TDRD3: variants seen among roughly 807,000 people sequenced by gnomAD.
TDRD3 encodes tudor domain containing 3.
A neutral mutation model predicts 86.7 loss-of-function variants in TDRD3; 45 were observed. That is an observed-to-expected ratio of 0.52 (90% CI 0.41 to 0.67). The LOEUF is 0.67. TDRD3 is among the 30% of genes least tolerant of loss of function. The pLI, the probability that TDRD3 is intolerant of heterozygous loss-of-function variation, is 0.00. For synonymous variants in TDRD3, 298 were observed against 301.7 expected (o/e 0.99, Z 0.13); for missense variants, 814 against 889.0 (o/e 0.92, Z 1.07).
intron 12 of TDRD3, among the ~76,000 whole-genome samples, chr13:60,558,571 T>C (rs1360478770): frequency 6.6e-6 from 1 of 152,226 alleles, no homozygotes; most frequent in Non-Finnish European, 1.5e-5. Context: ...GGTTTCTTTT[T>C]ATGGGATATC....
chr13:60,548,785 A>T (rs913036496), intron 12 of TDRD3, among the ~76,000 whole-genome samples: 1 of 152,176 alleles, frequency 6.6e-6, no homozygotes, highest in Non-Finnish European at 1.5e-5. Context: ...ACTCTTATAC[A>T]TTGCTGATGG....
chr13:60,484,190 C>T (rs1255934196), intron 6 of TDRD3, among the ~76,000 whole-genome samples: 1 of 151,770 alleles, frequency 6.6e-6, no homozygotes, highest in African/African-American at 2.4e-5. Context: ...TCATTAAAAA[C>T]ATTAGAGGGG....
chr13:60,430,603 T>C (rs1183034220), intron 1 of TDRD3, among the ~76,000 whole-genome samples: 1 of 152,122 alleles, frequency 6.6e-6, no homozygotes. Context: ...ACTTTTAAAT[T>C]TATGTGGAGT....
chr13:60,524,064 G>A (rs1410793635), intron 10 of TDRD3, among the ~76,000 whole-genome samples: 1 of 151,778 alleles, frequency 6.6e-6, no homozygotes, highest in Non-Finnish European at 1.5e-5. Context: ...TTAGAGTGAT[G>A]GCAGACCTGA....
At chr13:60,424,740 A>G (rs1640484570) in intron 1 of TDRD3, among the ~76,000 whole-genome samples, 1 of 152,178 alleles carries the variant, frequency 6.6e-6, no homozygotes, top group African/African-American at 2.4e-5. Context: ...GAGATTTGTA[A>G]TCATCACTAC....
intron 10 of TDRD3, among the ~76,000 whole-genome samples, chr13:60,526,539 G>T (rs994087884): frequency 3.3e-5 from 5 of 149,982 alleles, no homozygotes; most frequent in African/African-American, 1.2e-4. Flanking sequence ...TCTCTCTAAA[G>T]AAAAATTTAA....
In TDRD3 at chr13:60,397,295, G is replaced by GC. The variant is rs1320892159; in HGVS notation, c.-70_-69insC. 25 of 812,626 alleles carry GC rather than the reference G, an allele frequency of 3.1e-5. No individual in the cohort carries two copies. The highest frequency in any genetic ancestry group is 4.1e-5 in the Non-Finnish European group (23 of 558,958). The allele number at this position is 812,626 out of a possible 1,614,324, so 50.3% of individuals were successfully genotyped here. A position where few individuals can be genotyped will look rare whatever the true frequency, so the allele number is the denominator to read the frequency against. On this transcript the variant is annotated 5_prime_UTR_variant, in exon 1 of 14. The change creates a premature stop within an existing upstream ORF in the 5' untranslated region. Coordinates refer to ENST00000377881, the MANE Select transcript of TDRD3 (RefSeq NM_001146070.2). ...TTCTTTTTTTTTTTTTAAGGGGGGG[G>GC]GTCTCAAGTAGGAGGCCTCCCCATC... is the stretch of plus-strand genomic sequence containing the variant.
rs533702980 is a variant in TDRD3, at chr13:60,446,011, G to A, written c.192+1263G>A. Among the ~76,000 whole-genome samples, 5 of 152,120 alleles carry A rather than the reference G, an allele frequency of 3.3e-5. No individual in the cohort carries two copies. In the East Asian group the frequency reaches 9.7e-4, roughly 29 times the overall value. ...TTAAGATTTCCTTTGAATGTAGCTAGCAAGAAGAAAAATAACTTTAAAACT... is the reference window on the plus strand; with the variant it reads ...TTAAGATTTCCTTTGAATGTAGCTAACAAGAAGAAAAATAACTTTAAAACT... On this transcript the variant is annotated intron_variant, in intron 3 of 13. Transcript: ENST00000377881.
At chr13:60,495,271 T>C (rs1386465842) in intron 8 of TDRD3, among the ~76,000 whole-genome samples, 3 of 152,208 alleles carry the variant, frequency 2.0e-5, no homozygotes, top group Non-Finnish European at 4.4e-5. Flanking sequence ...GGTATTTCCA[T>C]GATTTCTTGG....
chr13:60,553,631 A>C (rs73208095), intron 12 of TDRD3, among the ~76,000 whole-genome samples: 1 of 151,974 alleles, frequency 6.6e-6, no homozygotes. Context: ...AAATCATGGC[A>C]GAAAGCAAAG....
intron 1 of TDRD3, among the ~76,000 whole-genome samples, chr13:60,439,196 A>G (rs979445048): frequency 6.6e-6 from 1 of 152,192 alleles, no homozygotes; most frequent in Non-Finnish European, 1.5e-5. Flanking sequence ...AATAGCCTTT[A>G]TTGAAGGATC....
chr13:60,504,105 T>G (rs182622927), intron 8 of TDRD3, among the ~76,000 whole-genome samples: 1 of 152,344 alleles, frequency 6.6e-6, no homozygotes, highest in South Asian at 2.1e-4. Context: ...TAGAATTTTT[T>G]AAATCTTTTT....
chr13:60,494,964 A>C (rs1956682253), intron 8 of TDRD3, among the ~76,000 whole-genome samples: 1 of 152,206 alleles, frequency 6.6e-6, no homozygotes, highest in South Asian at 2.1e-4. Flanking sequence ...TGAAACAAGC[A>C]TATGTATTAT....
chr13:60,419,133 A>G (rs1466198425), intron 1 of TDRD3, among the ~76,000 whole-genome samples: 1 of 152,178 alleles, frequency 6.6e-6, no homozygotes, highest in Non-Finnish European at 1.5e-5. Context: ...CCAAACGTTT[A>G]TTTCCAAAGT....
chr13:60,473,919 G>T (rs998696903), intron 5 of TDRD3, among the ~76,000 whole-genome samples: 3 of 152,088 alleles, frequency 2.0e-5, no homozygotes, highest in Non-Finnish European at 4.4e-5. Flanking sequence ...ACCAGGAAAG[G>T]GAGTCTCCCT....
intron 10 of TDRD3, among the ~76,000 whole-genome samples, chr13:60,515,239 C>CA (rs1957143793): frequency 6.6e-6 from 1 of 152,004 alleles, no homozygotes. Flanking sequence ...GTTTTATTGC[C>CA]AAAATAAGAC....
intron 1 of TDRD3, among the ~76,000 whole-genome samples, chr13:60,435,047 A>C (rs953261046): frequency 6.6e-6 from 1 of 152,144 alleles, no homozygotes; most frequent in Non-Finnish European, 1.5e-5. Flanking sequence ...TGGAGTTTTA[A>C]ATGTTTATAA....
intron 12 of TDRD3, among the ~76,000 whole-genome samples, chr13:60,557,253 C>T (rs1225513767): frequency 2.0e-5 from 3 of 149,992 alleles, no homozygotes; most frequent in South Asian, 4.2e-4. Context: ...CAGATTTGCA[C>T]TTTCTAGTGA....
In TDRD3 at chr13:60,549,611, C is replaced by T. The variant is rs117578823; in HGVS notation, c.2118+14378C>T. Among the ~76,000 whole-genome samples the T allele has an allele frequency of 3.3e-3, 500 of 152,136 alleles. 4 individuals are homozygous for T. Among genetic ancestry groups the T allele is most frequent in the East Asian group, 0.025 (127 of 5,182 alleles). On this transcript the variant is annotated intron_variant, in intron 12 of 13. Coordinates refer to ENST00000377881, the MANE Select transcript of TDRD3 (RefSeq NM_001146070.2). ...GCACGTGTATGTGCACGTGGACAAA[C>T]GTGAGAGATATCAGTGTTTAAAAAG... is the stretch of plus-strand genomic sequence containing the variant.
Sources: allele counts gnomAD v4.1 joint callset (sites outside exome capture counted in the v4.1 genomes callset), GRCh38; gene constraint gnomAD v4.1.1; transcripts MANE v1.5; gene names NCBI Gene and HGNC (gene_info 2026-07-23, HGNC 2026-07-21).